BBX: variants seen among roughly 807,000 people sequenced by gnomAD.
BBX encodes the protein BBX high mobility group box domain containing, also known as HMG box transcription factor BBX.
A neutral mutation model predicts 100.2 loss-of-function variants in BBX; 30 were observed. That is an observed-to-expected ratio of 0.30 (90% confidence interval 0.22 to 0.41). The LOEUF (loss-of-function observed/expected upper bound fraction) is 0.41, where lower values mean the gene tolerates loss of function less well. BBX is among the 10% of genes least tolerant of loss of function. The pLI is 1.00. For missense variants in BBX, 1,023 were observed against 1,129.8 expected (o/e 0.91, Z 1.35); for synonymous variants, 376 against 388.1 (o/e 0.97, Z 0.37).
At chr3:107,777,543 A>G (rs1158771771) in intron 12 of BBX, among the ~76,000 whole-genome samples, 2 of 152,132 alleles carry the variant, frequency 1.3e-5, no homozygotes, top group Non-Finnish European at 2.9e-5. Flanking sequence ...TCTAGGTTGC[A>G]TGTTAGTTTA....
intron 10 of BBX, among the ~76,000 whole-genome samples, chr3:107,770,103 C>G (rs568203894): frequency 1.3e-5 from 2 of 152,252 alleles, no homozygotes; most frequent in South Asian, 2.1e-4. Context: ...TGTGCTATTT[C>G]CCAGAATACG....
chr3:107,760,011 T>G (rs1576668977), intron 10 of BBX, among the ~76,000 whole-genome samples: 3 of 152,234 alleles, frequency 2.0e-5, no homozygotes, highest in Non-Finnish European at 4.4e-5. Context: ...CTAAGTACTT[T>G]ATATGTACTA....
chr3:107,589,561 A>G (rs558870155), intron 2 of BBX, among the ~76,000 whole-genome samples: 2 of 152,306 alleles, frequency 1.3e-5, no homozygotes, highest in East Asian at 1.9e-4. Flanking sequence ...AAGTGATCAC[A>G]TGATTGTAGT....
chr3:107,550,626 G>A (rs1344999999), intron 2 of BBX, among the ~76,000 whole-genome samples: 2 of 152,188 alleles, frequency 1.3e-5, no homozygotes, highest in South Asian at 2.1e-4. Flanking sequence ...TTCAGCTGAA[G>A]AAAGAGTAAC....
intron 1 of BBX, 48 bp downstream of exon 1, chr3:107,523,155 TTC>T (rs146549957): frequency 6.1e-6 from 1 of 164,864 alleles, no homozygotes; most frequent in African/African-American, 2.4e-5. Flanking sequence ...TCCCCTCACT[TTC>T]TGTTTTCCTA....
intron 2 of BBX, among the ~76,000 whole-genome samples, chr3:107,598,502 TA>T (rs1471765293): frequency 6.6e-6 from 1 of 152,210 alleles, no homozygotes; most frequent in Non-Finnish European, 1.5e-5. Flanking sequence ...CAATTTTGAG[TA>T]AACAACAAAC....
At chr3:107,698,424 G>C (rs930535113) in intron 3 of BBX, among the ~76,000 whole-genome samples, 1 of 151,580 alleles carries the variant, frequency 6.6e-6, no homozygotes, top group East Asian at 1.9e-4. Context: ...AGGCTGAAGC[G>C]GGCGGCTCAC....
Position 107,810,682 on chromosome 3 carries a change from T to C in BBX, c.*5225T>C, listed in dbSNP as rs2071251362. ...GTAGGGAAGGTTTGCGATCTGGAGCTCAGCAACTGGCTCAGCAACGTTTTC... is the reference window on the plus strand; with the variant it reads ...GTAGGGAAGGTTTGCGATCTGGAGCCCAGCAACTGGCTCAGCAACGTTTTC... On this transcript the variant is annotated 3_prime_UTR_variant, in exon 18 of 18. Coordinates refer to ENST00000325805, the MANE Select transcript of BBX (RefSeq NM_001142568.3). The C allele has an allele frequency of 6.6e-6, 1 of 152,126 alleles. No individual in the cohort carries two copies. The highest frequency in any genetic ancestry group is 1.5e-5 in the Non-Finnish European group (1 of 67,958). The allele number at this position is 152,126 out of a possible 1,614,324, so 9.4% of individuals were successfully genotyped here.
chr3:107,803,480 G>A (rs922651705), intron 17 of BBX, among the ~76,000 whole-genome samples: 1 of 152,074 alleles, frequency 6.6e-6, no homozygotes, highest in African/African-American at 2.4e-5. Flanking sequence ...TGGAGTTAGG[G>A]GTGGAAATAT....
chr3:107,764,185 T>G (rs1261357340), intron 10 of BBX, among the ~76,000 whole-genome samples: 2 of 152,056 alleles, frequency 1.3e-5, no homozygotes, highest in African/African-American at 4.8e-5. Flanking sequence ...AGAGACAGGG[T>G]TTCACCGTGT....
At chr3:107,803,383 G>A (rs2070731336) in intron 17 of BBX, among the ~76,000 whole-genome samples, 1 of 152,072 alleles carries the variant, frequency 6.6e-6, no homozygotes, top group Non-Finnish European at 1.5e-5. Context: ...CTACCTGTAG[G>A]CTCACTGTTA....
At chr3:107,704,476 G>A (rs898800121) in intron 3 of BBX, among the ~76,000 whole-genome samples, 1 of 152,158 alleles carries the variant, frequency 6.6e-6, no homozygotes, top group African/African-American at 2.4e-5. Flanking sequence ...AATTTATAAT[G>A]AACAAAAGTT....
chr3:107,611,411 G>C (rs149453813), intron 2 of BBX, among the ~76,000 whole-genome samples: 1 of 152,218 alleles, frequency 6.6e-6, no homozygotes, highest in Non-Finnish European at 1.5e-5. Context: ...TTTCCTTGTA[G>C]GACAGATCTG....
At chr3:107,739,419 G>A (rs1037029022) in intron 7 of BBX, among the ~76,000 whole-genome samples, 8 of 152,214 alleles carry the variant, frequency 5.3e-5, no homozygotes, top group Middle Eastern at 3.4e-3. Flanking sequence ...CCCCCTTTAT[G>A]TCACTCTTCA....
rs2050354576 is a variant in BBX at position 107,559,890 on chromosome 3, A to G, written c.-84+33492A>G. The stretch of plus-strand genomic sequence containing the variant: ...CTCCCAAGTAGCTGGGACCACAGCC[A>G]TACAACACATGCCTGCCTTATGTTT... On this transcript the variant is annotated intron_variant, in intron 2 of 17. Coordinates refer to ENST00000325805, the MANE Select transcript of BBX (RefSeq NM_001142568.3). 3.3e-5 allele frequency among the ~76,000 whole-genome samples: 5 copies of G among 152,266 alleles called. No homozygotes were observed. In the South Asian group the frequency reaches 1.0e-3, roughly 32 times the overall value.
chr3:107,579,509 T>G (rs561568039), intron 2 of BBX, among the ~76,000 whole-genome samples: 84 of 152,342 alleles, frequency 5.5e-4, no homozygotes, highest in African/African-American at 1.9e-3. Context: ...TTGAAGGGTC[T>G]AATCTGTCTC....
At chr3:107,767,833 C>G (rs1397377674) in intron 10 of BBX, among the ~76,000 whole-genome samples, 1 of 152,108 alleles carries the variant, frequency 6.6e-6, no homozygotes, top group Non-Finnish European at 1.5e-5. Context: ...CCTATGTCCC[C>G]TGCTTCCACG....
At position 107,728,754 on chromosome 3, in the gene BBX, TTTA is replaced by T. The variant is rs2063129080; in HGVS notation, c.406-8_406-6del. ...TTAATTAAAATCTGCTGTCTGTCGT[TTTA>T]TTTATAGTATAAGGATGCATTTATG... is the stretch of plus-strand genomic sequence containing the variant. On this transcript the variant is annotated splice_polypyrimidine_tract_variant and splice_region_variant and intron_variant, in intron 5 of 17. Coordinates refer to ENST00000325805, the MANE Select transcript of BBX (RefSeq NM_001142568.3). 2.5e-6 allele frequency: 4 copies of T among 1,592,720 alleles called. No homozygotes were observed. The East Asian group carries it at 8.9e-5, about 36-fold the overall frequency.
chr3:107,791,179 T>G, intron 14 of BBX, 61 bp from the exon 15 acceptor site: 1 of 1,392,064 alleles, frequency 7.2e-7, no homozygotes. Flanking sequence ...GTTTTTGTAG[T>G]ATGGGGAATC....
Sources: gnomAD v4.1 joint callset for allele counts (sites outside exome capture counted in the v4.1 genomes callset) on GRCh38, gnomAD v4.1.1 for gene constraint, MANE v1.5 for transcripts, NCBI Gene and HGNC (gene_info 2026-07-23, HGNC 2026-07-21) for gene names.